The following AIDA variants were observed in gnomAD, a reference collection of about 807,000 sequenced individuals.
The protein encoded by AIDA is axin interactor, dorsalization associated, also known as axin interactor, dorsalization-associated protein.
Under a neutral mutation model 42.7 loss-of-function variants are expected in AIDA, and 18 were observed. That is an observed-to-expected ratio of 0.42 (90% confidence interval 0.29 to 0.63). The LOEUF (loss-of-function observed/expected upper bound fraction) is 0.63, where lower values mean the gene tolerates loss of function less well. Ranked by LOEUF, AIDA falls within the 20% of genes least tolerant of loss-of-function variation. AIDA has a pLI of 0.19. For missense variants in AIDA, 250 were observed against 354.1 expected, an observed-to-expected ratio of 0.71 and a Z score of 2.36; for synonymous variants, 104 against 122.9, an observed-to-expected ratio of 0.85 and a Z score of 1.02.
chr1:222,673,601 C>T (rs570051668), intron 7 of AIDA, among the ~76,000 whole-genome samples, 166 bp from the exon 8 acceptor site: 1 of 150,626 alleles, frequency 6.6e-6, no homozygotes, highest in African/African-American at 2.5e-5. Context: ...ATGGTGAAAC[C>T]CCGTCTCTAC....
chr1:222,694,126 T>C, intron 3 of AIDA, 84 bp downstream of exon 3: 1 of 1,270,788 alleles, frequency 7.9e-7, no homozygotes, highest in Non-Finnish European at 1.1e-6. Flanking sequence ...ACAATACTGC[T>C]TTTGACATAA....
chr1:222,682,510 T>A (rs1009144200), intron 6 of AIDA, among the ~76,000 whole-genome samples: 3 of 152,222 alleles, frequency 2.0e-5, no homozygotes, highest in African/African-American at 7.2e-5. Context: ...CATAATTTTT[T>A]ATCCACACTT....
Position 222,669,806 on chromosome 1 carries a change from G to A in AIDA, c.*87C>T. ...TCTGGGTACGGCTTGCTTCCTGCCT[G>A]TTGAAGGGTGAATATGCTACACAGA... On this transcript the variant is annotated 3_prime_UTR_variant, in exon 10 of 10. Transcript: ENST00000340020. The A allele has an allele frequency of 7.9e-7, 1 of 1,269,624 alleles. No homozygotes were observed. Among genetic ancestry groups the A allele is most frequent in the Non-Finnish European group, 1.1e-6 (1 of 912,656 alleles). The allele number at this position is 1,269,624 out of a possible 1,614,324, so 78.6% of individuals were successfully genotyped here.
intron 7 of AIDA, 27 bp downstream of exon 7, chr1:222,676,069 A>G (rs377046686): frequency 1.2e-4 from 175 of 1,503,328 alleles, no homozygotes; most frequent in African/African-American, 5.4e-4. Flanking sequence ...TTCACCTGAG[A>G]AAAAAAAAGT....
intron 2 of AIDA, among the ~76,000 whole-genome samples, chr1:222,695,491 CAA>C (rs531497346): frequency 6.7e-6 from 1 of 148,866 alleles, no homozygotes; most frequent in African/African-American, 2.5e-5. Flanking sequence ...GACTCCATCT[CAA>C]AAAAAAAGAA....
chr1:222,706,604 C>T (rs1655845178), intron 1 of AIDA, among the ~76,000 whole-genome samples: 1 of 152,096 alleles, frequency 6.6e-6, no homozygotes, highest in African/African-American at 2.4e-5. Context: ...TGTGGTGGCT[C>T]ATGCCTGTAA....
At chr1:222,700,254 AAAG>A (rs2124966254) in intron 2 of AIDA, among the ~76,000 whole-genome samples, 1 of 152,312 alleles carries the variant, frequency 6.6e-6, no homozygotes, top group South Asian at 2.1e-4. Context: ...GGCCTCCAGT[AAAG>A]AAGGCAGGGC....
At chr1:222,690,420 T>C in intron 4 of AIDA, among the ~76,000 whole-genome samples, 1 of 152,222 alleles carries the variant, frequency 6.6e-6, no homozygotes, top group African/African-American at 2.4e-5. Context: ...GTTTCATTTC[T>C]GGCCTTATGG....
intron 6 of AIDA, among the ~76,000 whole-genome samples, chr1:222,683,721 T>C (rs1484595199): frequency 6.6e-6 from 1 of 152,202 alleles, no homozygotes; most frequent in African/African-American, 2.4e-5. Context: ...TATCAGTAAA[T>C]TTTTAGGTTA....
intron 6 of AIDA, among the ~76,000 whole-genome samples, chr1:222,677,430 G>A (rs1664570496): frequency 6.6e-6 from 1 of 151,936 alleles, no homozygotes; most frequent in Admixed American, 6.6e-5. Flanking sequence ...CTAGTACACT[G>A]GCCAGAACTT....
Position 222,670,006 on chromosome 1 carries a change from A to C in AIDA, c.825-17T>G, listed in dbSNP as rs1273156361. On this transcript the variant is annotated splice_polypyrimidine_tract_variant and intron_variant, in intron 9 of 9. Transcript: ENST00000340020. ...TTCTTGTATCTGTAATCACAACAGA[A>C]AGACCATTGTTTAAAATACATTGAT... 1 of 1,613,828 alleles carries C rather than the reference A, an allele frequency of 6.2e-7. No homozygotes were observed. The highest frequency in any genetic ancestry group is 1.1e-5 in the South Asian group (1 of 91,062).
intron 2 of AIDA, 52 bp downstream of exon 2, chr1:222,703,096 C>G (rs1289033698): frequency 6.9e-7 from 1 of 1,457,306 alleles, no homozygotes; most frequent in Non-Finnish European, 9.3e-7. Context: ...ACTCAAAAGA[C>G]AAAACACTTT....
At chr1:222,693,660 CA>C (rs1167371622) in intron 4 of AIDA, 128 bp downstream of exon 4, 6 of 707,946 alleles carry the variant, frequency 8.5e-6, no homozygotes, top group South Asian at 3.2e-5. Context: ...CAAAAGCACC[CA>C]AAAAATCACA....
At chr1:222,708,549 T>C (rs1031646249) in intron 1 of AIDA, among the ~76,000 whole-genome samples, 1 of 151,814 alleles carries the variant, frequency 6.6e-6, no homozygotes, top group Non-Finnish European at 1.5e-5. Flanking sequence ...TTTGTATTTT[T>C]AGTAGAGAGG....
intron 1 of AIDA, among the ~76,000 whole-genome samples, chr1:222,710,836 G>A (rs1461268217): frequency 6.6e-6 from 1 of 152,212 alleles, no homozygotes; most frequent in East Asian, 1.9e-4. Flanking sequence ...TTCTCACTGG[G>A]TTATTGCAAG....
intron 2 of AIDA, among the ~76,000 whole-genome samples, chr1:222,697,550 A>G (rs1296887986): frequency 6.6e-6 from 1 of 151,696 alleles, no homozygotes; most frequent in Non-Finnish European, 1.5e-5. Flanking sequence ...CACTCAAATT[A>G]ACTGCTCATA....
chr1:222,699,502 A>G (rs888141738), intron 2 of AIDA, among the ~76,000 whole-genome samples: 5 of 152,242 alleles, frequency 3.3e-5, no homozygotes, highest in African/African-American at 1.2e-4. Flanking sequence ...TTAAAATACT[A>G]CATGCCCAAA....
chr1:222,710,893 T>TA (rs1655995393), intron 1 of AIDA, among the ~76,000 whole-genome samples: 1 of 152,218 alleles, frequency 6.6e-6, no homozygotes, highest in South Asian at 2.1e-4. Context: ...TAGTAGTTGT[T>TA]ACACATCGCA....
At position 222,683,483 on chromosome 1, in the gene AIDA, CTTTAT is replaced by C. The variant is rs151143867; in HGVS notation, c.460+3442_460+3446del. Among the ~76,000 whole-genome samples, 231 of 152,254 alleles carry C rather than the reference CTTTAT, an allele frequency of 1.5e-3. 6 individuals are homozygous for C. In the South Asian group the frequency reaches 0.021, roughly 14 times the overall value. On this transcript the variant is annotated intron_variant, in intron 6 of 9. Coordinates refer to ENST00000340020, the MANE Select transcript of AIDA (RefSeq NM_022831.4). ...TGACATTAAATAGGTAAATTTCATT[CTTTAT>C]TTTGAGTTTCAAAAATAATGTTTTA...
Sources: gnomAD v4.1 joint callset for allele counts (sites outside exome capture counted in the v4.1 genomes callset) on GRCh38, gnomAD v4.1.1 for gene constraint, MANE v1.5 for transcripts, NCBI Gene and HGNC (gene_info 2026-07-23, HGNC 2026-07-21) for gene names.